GAPVD1: variants seen among roughly 807,000 people sequenced by gnomAD.
The protein encoded by GAPVD1 is GTPase activating protein and VPS9 domains 1, also known as GTPase-activating protein and VPS9 domain-containing protein 1.
GAPVD1 carries 35 observed loss-of-function variants against 155.5 expected under a neutral mutation model. The ratio of observed to expected loss-of-function variants is 0.23; its 90% CI spans 0.17 to 0.30. GAPVD1 has a LOEUF of 0.30. Ranked by LOEUF, GAPVD1 falls within the 10% of genes least tolerant of loss-of-function variation. The pLI is 1.00. For synonymous variants in GAPVD1, 636 were observed against 619.7 expected, an observed-to-expected ratio of 1.03 and a Z score of -0.39; for missense variants, 1,429 against 1,775.7, an observed-to-expected ratio of 0.80 and a Z score of 3.51.
chr9:125,359,094 C>G (rs779623362), intron 25 of GAPVD1, among the ~76,000 whole-genome samples: 1 of 151,952 alleles, frequency 6.6e-6, no homozygotes, highest in African/African-American at 2.4e-5. Context: ...CACTTTTTCC[C>G]CCCCTCTCCT....
chr9:125,302,053 T>C lies in GAPVD1; in HGVS notation c.256T>C (p.Tyr86His), dbSNP rs1840985745. 1 of 1,612,852 alleles carries C rather than the reference T, an allele frequency of 6.2e-7. No individual in the cohort carries two copies. Among genetic ancestry groups the C allele is most frequent in the South Asian group, 1.1e-5 (1 of 91,050 alleles). ...ILEDTQFVDG[Y>H]KQLGFQETAY... ...GGAAGATACACAATTTGTTGATGGG[T>C]ATAAGCAATTGGGATTTCAGGAGAC... Residue 86 changes from tyrosine to histidine, a missense_variant, in exon 5 of 28, where the codon TAT (tyrosine) becomes CAT (histidine). Tyr to His is a moderately conservative substitution (Grantham distance 83). This residue lies in a region of GAPVD1 where 628 missense variants were observed against 733.4 expected (regional missense o/e 0.86). Transcript: ENST00000297933.
At chr9:125,305,036 T>C (rs1234499424) in intron 5 of GAPVD1, 27 bp from the exon 6 acceptor site, 1 of 1,499,736 alleles carries the variant, frequency 6.7e-7, no homozygotes, top group Non-Finnish European at 9.3e-7. Context: ...GTAGCTTATG[T>C]CTCCCTACCA....
chr9:125,293,862 A>AAATATATTTTT (rs1554757107), intron 2 of GAPVD1, among the ~76,000 whole-genome samples: 6 of 13,736 alleles, frequency 4.4e-4, no homozygotes, highest in Admixed American at 2.0e-3. Flanking sequence ...TTATATATAT[A>AAATATATTTTT]TATATATATA....
chr9:125,330,136 G>A lies in GAPVD1; in HGVS notation c.2091G>A (p.Val697=), dbSNP rs1845877031. The change falls in exon 13 of 28, where the codon GTG becomes GTA. Residue 697 remains valine, a synonymous_variant. Coordinates refer to ENST00000297933, the MANE Select transcript of GAPVD1 (RefSeq NM_001282680.3). The stretch of plus-strand genomic sequence containing the variant: ...TGTGCCTCCCAGGTTCAGGGTCAGT[G>A]CTTCTTGACCCCTGCACTGGTTCTA... ...SLLCLPGSGS[V]LLDPCTGSTI... The A allele has an allele frequency of 1.2e-6, 2 of 1,609,370 alleles. No homozygotes were observed. The highest frequency in any genetic ancestry group is 1.3e-5 in the African/African-American group (1 of 74,904).
chr9:125,284,083 C>T (rs1024838156), intron 2 of GAPVD1, among the ~76,000 whole-genome samples: 1 of 151,832 alleles, frequency 6.6e-6, no homozygotes, highest in African/African-American at 2.4e-5. Flanking sequence ...GCCATGTTGG[C>T]CAGGCTGGTC....
chr9:125,349,364 G>C (rs201233779), intron 20 of GAPVD1, 26 bp from the exon 21 acceptor site: 2 of 1,601,214 alleles, frequency 1.2e-6, no homozygotes, highest in Non-Finnish European at 1.7e-6. Flanking sequence ...CTGGGTATCC[G>C]TTTCTTGGGG....
Position 125,350,842 on chromosome 9 carries a change from A to G in GAPVD1, c.3539A>G (p.Lys1180Arg). Residue 1180 changes from lysine to arginine, a missense_variant, in exon 23 of 28, where the codon AAA (lysine) becomes AGA (arginine). Coordinates refer to ENST00000297933, the MANE Select transcript of GAPVD1 (RefSeq NM_001282680.3). ...VCRFDNRTCR[K>R]LLASIAEDYR... ...CGTTTTGATAATAGGACTTGTAGGA[A>G]ACTGCTGGCTTCGATTGCTGAGGAC... 5 of 1,613,926 alleles carry G rather than the reference A, an allele frequency of 3.1e-6. No homozygotes were observed. Among genetic ancestry groups the G allele is most frequent in the Non-Finnish European group, 4.2e-6 (5 of 1,179,926 alleles).
intron 1 of GAPVD1, among the ~76,000 whole-genome samples, chr9:125,264,451 T>A (rs1833500292): frequency 6.6e-6 from 1 of 152,108 alleles, no homozygotes; most frequent in Non-Finnish European, 1.5e-5. Flanking sequence ...TGCCTCGGAC[T>A]CCCAAAGTGC....
chr9:125,319,129 T>C (rs1264639415), intron 9 of GAPVD1, among the ~76,000 whole-genome samples: 1 of 151,906 alleles, frequency 6.6e-6, no homozygotes, highest in East Asian at 1.9e-4. Context: ...TGAGTCAAGA[T>C]CATGCCATTG....
intron 27 of GAPVD1, among the ~76,000 whole-genome samples, chr9:125,361,075 G>C (rs1850844285): frequency 6.6e-6 from 1 of 152,102 alleles, no homozygotes; most frequent in Non-Finnish European, 1.5e-5. Flanking sequence ...TGTTGGCCAA[G>C]CTGGTCTCGT....
At chr9:125,356,174 C>T (rs1358922129) in intron 25 of GAPVD1, among the ~76,000 whole-genome samples, 1 of 152,176 alleles carries the variant, frequency 6.6e-6, no homozygotes, top group South Asian at 2.1e-4. Context: ...ACTTAAGTAT[C>T]GTTTCCCTGA....
chr9:125,323,719 T>G (rs1844732399), intron 10 of GAPVD1, 79 bp from the exon 11 acceptor site: 3 of 1,386,196 alleles, frequency 2.2e-6, no homozygotes, highest in African/African-American at 2.8e-5. Context: ...GTTGTTAGTC[T>G]TTTATCAAGG....
In GAPVD1 at chr9:125,365,509, T is replaced by C. The variant is rs1357847038; in HGVS notation, c.*2763T>C. ...GATGTTAAATGGAGAGAGAGTTGGC[T>C]CAGGTCCCCTGAAATCTTGTAGGAT... On this transcript the variant is annotated 3_prime_UTR_variant, in exon 28 of 28. Transcript: ENST00000297933. The C allele has an allele frequency of 6.6e-6, 1 of 152,188 alleles. No individual in the cohort carries two copies. Among genetic ancestry groups the C allele is most frequent in the Non-Finnish European group, 1.5e-5 (1 of 68,030 alleles). The allele number at this position is 152,188 out of a possible 1,614,324, so 9.4% of individuals were successfully genotyped here. A position where few individuals can be genotyped will look rare whatever the true frequency, so the allele number is the denominator to read the frequency against.
At chr9:125,295,824 C>T (rs1217199729) in intron 3 of GAPVD1, among the ~76,000 whole-genome samples, 2 of 152,048 alleles carry the variant, frequency 1.3e-5, no homozygotes, top group Admixed American at 6.6e-5. Context: ...TCATTGAAAA[C>T]ATTTTATGTT....
intron 23 of GAPVD1, among the ~76,000 whole-genome samples, chr9:125,352,952 C>A (rs1849521528): frequency 6.6e-6 from 1 of 151,890 alleles, no homozygotes. Flanking sequence ...CCTAAAAATA[C>A]AAAAAATTAG....
At chr9:125,332,465 A>G in intron 14 of GAPVD1, 45 bp from the exon 15 acceptor site, 1 of 1,470,268 alleles carries the variant, frequency 6.8e-7, no homozygotes, top group South Asian at 1.2e-5. Context: ...TTGTGTGGAT[A>G]TTTTGTTCTT....
chr9:125,278,148 T>C (rs561826930), intron 2 of GAPVD1, among the ~76,000 whole-genome samples: 11 of 152,326 alleles, frequency 7.2e-5, no homozygotes, highest in African/African-American at 2.4e-4. Flanking sequence ...CAACATGATA[T>C]TTGTAAAAAA....
intron 1 of GAPVD1, among the ~76,000 whole-genome samples, chr9:125,266,667 C>T (rs1834027260): frequency 1.3e-5 from 2 of 152,096 alleles, no homozygotes; most frequent in South Asian, 4.1e-4. Context: ...AGACTAGACA[C>T]TACTGTGACA....
chr9:125,283,218 C>A (rs1396952277), intron 2 of GAPVD1, among the ~76,000 whole-genome samples: 1 of 151,776 alleles, frequency 6.6e-6, no homozygotes, highest in African/African-American at 2.4e-5. Flanking sequence ...CACCACCACA[C>A]CCAGCTAATT....
Sources: gnomAD v4.1 joint callset for allele counts (sites outside exome capture counted in the v4.1 genomes callset) on GRCh38, gnomAD v4.1.1 for gene constraint, gnomAD v4.1.1 regional missense constraint, MANE v1.5 for transcripts, NCBI Gene and HGNC (gene_info 2026-07-23, HGNC 2026-07-21) for gene names.